The following ADAMTS18 variants were observed in gnomAD, a reference collection of about 807,000 sequenced individuals.
The protein encoded by ADAMTS18 is A disintegrin and metalloproteinase with thrombospondin motifs 18.
In ADAMTS18, 157 loss-of-function variants were observed where a neutral mutation model predicts 165.9. The observed-to-expected ratio is 0.95, with a 90% CI of 0.83 to 1.08. The LOEUF (loss-of-function observed/expected upper bound fraction) is 1.08, where lower values mean the gene tolerates loss of function less well. Ranked by LOEUF, ADAMTS18 falls within the 50% of genes least tolerant of loss-of-function variation. The pLI is 0.00. For missense variants in ADAMTS18, 2,040 were observed against 1,534.0 expected (o/e 1.33, Z -5.51); for synonymous variants, 782 against 578.2 (o/e 1.35, Z -5.06).
intron 3 of ADAMTS18, among the ~76,000 whole-genome samples, chr16:77,429,222 T>C (rs940814022): frequency 6.6e-6 from 1 of 152,220 alleles, no homozygotes; most frequent in African/African-American, 2.4e-5. Flanking sequence ...GAAGAAAATG[T>C]GGTACATATA....
At chr16:77,347,996 A>G (rs561736953) in intron 10 of ADAMTS18, among the ~76,000 whole-genome samples, 36 of 152,178 alleles carry the variant, frequency 2.4e-4, no homozygotes, top group Non-Finnish European at 4.1e-4. Context: ...GATACATAAT[A>G]AGCACTGAAT....
intron 10 of ADAMTS18, among the ~76,000 whole-genome samples, chr16:77,344,160 T>C (rs1231924137): frequency 8.7e-6 from 1 of 115,480 alleles, no homozygotes; most frequent in Admixed American, 8.1e-5. Flanking sequence ...TGTGTGTATA[T>C]ATATATATAT....
rs780485298 is a variant in ADAMTS18, at chr16:77,434,744, A to C, written c.-49T>G. The C allele has an allele frequency of 3.0e-5, 41 of 1,367,666 alleles. No individual in the cohort carries two copies. In the South Asian group the frequency reaches 6.3e-4, roughly 21 times the overall value. 84.7% of individuals were successfully genotyped at this position (1,367,666 alleles called of 1,614,324 possible). A position where few individuals can be genotyped will look rare whatever the true frequency, so the allele number is the denominator to read the frequency against. On this transcript the variant is annotated 5_prime_UTR_variant, in exon 1 of 23. Coordinates refer to ENST00000282849, the MANE Select transcript of ADAMTS18 (RefSeq NM_199355.4). ...GCGGGTGGCCAGACGCGGCAGGCGG[A>C]GCGCACGGGCGGCGCGCATTCTTTC... is the stretch of plus-strand genomic sequence containing the variant.
intron 3 of ADAMTS18, among the ~76,000 whole-genome samples, chr16:77,386,034 A>G (rs961310905): frequency 1.3e-5 from 2 of 152,188 alleles, no homozygotes; most frequent in African/African-American, 4.8e-5. Context: ...TTTCCTATCT[A>G]TTTGATGAAG....
intron 3 of ADAMTS18, among the ~76,000 whole-genome samples, chr16:77,401,492 C>T (rs1431592189): frequency 1.3e-5 from 2 of 152,218 alleles, no homozygotes; most frequent in Non-Finnish European, 1.5e-5. Context: ...ATCCCACAGT[C>T]ACCAAATGGT....
intron 12 of ADAMTS18, among the ~76,000 whole-genome samples, chr16:77,327,883 C>T (rs1406137907): frequency 6.6e-6 from 1 of 152,276 alleles, no homozygotes; most frequent in East Asian, 1.9e-4. Flanking sequence ...GGAGAAGGAA[C>T]AGAAAGCACC....
At chr16:77,410,489 G>C (rs2057447698) in intron 3 of ADAMTS18, among the ~76,000 whole-genome samples, 1 of 152,166 alleles carries the variant, frequency 6.6e-6, no homozygotes, top group East Asian at 1.9e-4. Flanking sequence ...CTCCAAATAA[G>C]GCCTATGGAG....
At chr16:77,427,482 A>G (rs1597262833) in intron 3 of ADAMTS18, among the ~76,000 whole-genome samples, 1 of 152,326 alleles carries the variant, frequency 6.6e-6, no homozygotes, top group African/African-American at 2.4e-5. Flanking sequence ...GAGGCTGGAT[A>G]TAGTAGAAAG....
chr16:77,369,081 A>G (rs1202304226), intron 3 of ADAMTS18, among the ~76,000 whole-genome samples: 3 of 152,208 alleles, frequency 2.0e-5, no homozygotes, highest in Non-Finnish European at 4.4e-5. Context: ...AGCCTCACCC[A>G]GGAACCTGTG....
chr16:77,356,905 G>C (rs2056639279), intron 8 of ADAMTS18, among the ~76,000 whole-genome samples: 1 of 150,942 alleles, frequency 6.6e-6, no homozygotes, highest in South Asian at 2.1e-4. Flanking sequence ...TTCAGGCGAT[G>C]TTAAAGTGGT....
At position 77,283,771 on chromosome 16, in the gene ADAMTS18, G is replaced by A. The variant is rs898818709; in HGVS notation, c.*185C>T. On this transcript the variant is annotated 3_prime_UTR_variant, in exon 23 of 23. Transcript: ENST00000282849. ...ATTTTCAAGTGCTTCAGAGTACCAC[G>A]TGCTTCAGGGAATTGAGCTAGAAGC... 15 of 594,454 alleles carry A rather than the reference G, an allele frequency of 2.5e-5. No homozygotes were observed. The highest frequency in any genetic ancestry group is 1.7e-4 in the East Asian group (6 of 34,580). The allele number at this position is 594,454 out of a possible 1,614,324, so 36.8% of individuals were successfully genotyped here.
At chr16:77,286,247 T>A (rs12921064) in intron 22 of ADAMTS18, among the ~76,000 whole-genome samples, 52,443 of 152,020 alleles carry the variant, frequency 0.34, 11,214 homozygotes, top group Non-Finnish European at 0.48. Flanking sequence ...AAGTGCTAAA[T>A]AATCAAGTGG....
intron 16 of ADAMTS18, 48 bp from the exon 17 acceptor site, chr16:77,300,452 C>G (rs769682364): frequency 6.2e-7 from 1 of 1,604,070 alleles, no homozygotes; most frequent in East Asian, 2.2e-5. Flanking sequence ...AGGTCAGACC[C>G]TGGAATTCCA....
chr16:77,422,152 A>G (rs2057610955), intron 3 of ADAMTS18, among the ~76,000 whole-genome samples: 1 of 152,064 alleles, frequency 6.6e-6, no homozygotes, highest in South Asian at 2.1e-4. Context: ...TCACAGACCA[A>G]TCCATAAATA....
chr16:77,288,513 C>A (rs1424535775), intron 22 of ADAMTS18, among the ~76,000 whole-genome samples: 1 of 152,054 alleles, frequency 6.6e-6, no homozygotes, highest in Non-Finnish European at 1.5e-5. Context: ...GTACAGTTTA[C>A]TCAGACTTTC....
At chr16:77,329,459 C>G (rs1484478729) in intron 12 of ADAMTS18, among the ~76,000 whole-genome samples, 1 of 152,112 alleles carries the variant, frequency 6.6e-6, no homozygotes, top group Non-Finnish European at 1.5e-5. Flanking sequence ...TTTAGGTGAT[C>G]TTATTTAACC....
intron 3 of ADAMTS18, among the ~76,000 whole-genome samples, chr16:77,382,557 C>A (rs1273260087): frequency 2.0e-5 from 3 of 152,154 alleles, no homozygotes; most frequent in Non-Finnish European, 4.4e-5. Flanking sequence ...ATGACCTTTA[C>A]AAGTGGTTTG....
chr16:77,402,512 A>C (rs1299169262), intron 3 of ADAMTS18, among the ~76,000 whole-genome samples: 1 of 152,160 alleles, frequency 6.6e-6, no homozygotes, highest in Non-Finnish European at 1.5e-5. Context: ...GAAAAAACTG[A>C]ATCTACTTGT....
chr16:77,353,587 T>G (rs1373567946), intron 10 of ADAMTS18, 146 bp downstream of exon 10: 15 of 1,115,674 alleles, frequency 1.3e-5, no homozygotes, highest in Admixed American at 2.0e-5. Context: ...AAATTGCCAC[T>G]TAATTATCAT....
Sources: gnomAD v4.1 joint callset for allele counts (sites outside exome capture counted in the v4.1 genomes callset) on GRCh38, gnomAD v4.1.1 for gene constraint, MANE v1.5 for transcripts, NCBI Gene and HGNC (gene_info 2026-07-23, HGNC 2026-07-21) for gene names.